The following KCNIP3 variants were observed in gnomAD, a reference collection of about 807,000 sequenced individuals.
The protein encoded by KCNIP3 is potassium voltage-gated channel interacting protein 3, also known as calsenilin.
KCNIP3 carries 28 observed loss-of-function variants against 35.0 expected under a neutral mutation model. The ratio of observed to expected loss-of-function variants is 0.80; its 90% CI spans 0.59 to 1.10. KCNIP3 has a LOEUF of 1.10. KCNIP3 is among the 50% of genes least tolerant of loss of function. KCNIP3 has a pLI of 0.00. For missense variants in KCNIP3, 295 were observed against 338.4 expected (o/e 0.87, Z 1.01); for synonymous variants, 134 against 133.8 (o/e 1.00, Z -0.01).
chr2:95,322,844 C>T (rs3772037), intron 2 of KCNIP3, among the ~76,000 whole-genome samples: 114,827 of 152,184 alleles, frequency 0.75, 43,656 homozygotes, highest in African/African-American at 0.82. Context: ...GGCAGCTCTC[C>T]CTGGCGCTTC....
At chr2:95,374,043 CA>C (rs1241016601) in intron 2 of KCNIP3, among the ~76,000 whole-genome samples, 6 of 152,228 alleles carry the variant, frequency 3.9e-5, no homozygotes, top group East Asian at 1.9e-4. Context: ...GTGCGGCTGA[CA>C]GGGGGGCACA....
At chr2:95,349,361 T>G (rs1253186542) in intron 2 of KCNIP3, among the ~76,000 whole-genome samples, 1 of 152,206 alleles carries the variant, frequency 6.6e-6, no homozygotes, top group Non-Finnish European at 1.5e-5. Flanking sequence ...TCTCTGAGCC[T>G]CCGTGGTTCT....
intron 2 of KCNIP3, among the ~76,000 whole-genome samples, chr2:95,352,193 G>T (rs779225315): frequency 6.6e-6 from 1 of 152,150 alleles, no homozygotes; most frequent in African/African-American, 2.4e-5. Flanking sequence ...AACCCGGATT[G>T]CAGTTTGCCA....
intron 2 of KCNIP3, among the ~76,000 whole-genome samples, chr2:95,316,606 G>A (rs1441982493): frequency 6.6e-6 from 1 of 152,192 alleles, no homozygotes; most frequent in Non-Finnish European, 1.5e-5. Context: ...CAACAGGAAG[G>A]AGAACCCAGG....
chr2:95,362,949 G>A (rs1222114165), intron 2 of KCNIP3, among the ~76,000 whole-genome samples: 3 of 152,150 alleles, frequency 2.0e-5, no homozygotes, highest in African/African-American at 7.2e-5. Context: ...ACGTGTTCCT[G>A]TTTATTACTG....
In KCNIP3 at chr2:95,384,205, C is replaced by CACACAG. The variant is rs3222174; in HGVS notation, c.*157_*158insCACAGA. 1.8e-5 allele frequency: 12 copies of CACACAG among 651,228 alleles called. No homozygotes were observed. Among genetic ancestry groups the CACACAG allele is most frequent in the Non-Finnish European group, 3.0e-5 (11 of 364,298 alleles). 40.3% of individuals were successfully genotyped at this position (651,228 alleles called of 1,614,324 possible). On this transcript the variant is annotated 3_prime_UTR_variant, in exon 9 of 9. Transcript: ENST00000295225. ...ACACACACACACACACACACACACA[C>CACACAG]AGCCATTCATCTGGGCTGGCAGAGG... is the stretch of plus-strand genomic sequence containing the variant.
chr2:95,354,510 G>A (rs1166001362), intron 2 of KCNIP3, among the ~76,000 whole-genome samples: 2 of 152,196 alleles, frequency 1.3e-5, no homozygotes, highest in Non-Finnish European at 2.9e-5. Flanking sequence ...TCTGGGGACA[G>A]CAGAGGTGTG....
At chr2:95,358,927 G>C (rs1679723007) in intron 2 of KCNIP3, among the ~76,000 whole-genome samples, 1 of 152,292 alleles carries the variant, frequency 6.6e-6, no homozygotes, top group Admixed American at 6.5e-5. Context: ...GAGATCAGGA[G>C]TTGGACACCT....
chr2:95,314,339 G>C (rs1053742321), intron 2 of KCNIP3, among the ~76,000 whole-genome samples: 1 of 152,212 alleles, frequency 6.6e-6, no homozygotes. Context: ...GGATTTCTGA[G>C]AATTAACCCC....
intron 2 of KCNIP3, among the ~76,000 whole-genome samples, chr2:95,320,124 T>A (rs368964213): frequency 6.6e-6 from 1 of 152,044 alleles, no homozygotes; most frequent in Non-Finnish European, 1.5e-5. Context: ...GCTGGCTGGG[T>A]GTGGACCCGG....
At chr2:95,322,777 C>T (rs1255452660) in intron 2 of KCNIP3, among the ~76,000 whole-genome samples, 4 of 152,222 alleles carry the variant, frequency 2.6e-5, no homozygotes, top group Non-Finnish European at 4.4e-5. Flanking sequence ...GGTGTGCTTG[C>T]GGCTCCTGTT....
intron 2 of KCNIP3, chr2:95,347,274 C>G (rs1433240706): frequency 1.1e-5 from 7 of 661,640 alleles, no homozygotes; most frequent in African/African-American, 7.3e-5. Flanking sequence ...GGGCCTGGGA[C>G]TAAGGAGACG....
intron 2 of KCNIP3, among the ~76,000 whole-genome samples, chr2:95,328,132 C>G (rs1420134778): frequency 6.6e-6 from 1 of 152,222 alleles, no homozygotes. Context: ...CCATGAGGAT[C>G]TCACACACGC....
At chr2:95,300,234 G>A (rs913482157) in intron 1 of KCNIP3, among the ~76,000 whole-genome samples, 19 of 152,230 alleles carry the variant, frequency 1.2e-4, no homozygotes, top group African/African-American at 2.7e-4. Context: ...CATCCCCTGC[G>A]TTAGCCACGT....
chr2:95,353,501 C>G (rs1679578741), intron 2 of KCNIP3, among the ~76,000 whole-genome samples: 2 of 152,226 alleles, frequency 1.3e-5, no homozygotes, highest in Admixed American at 1.3e-4. Context: ...GGTTTGGCCA[C>G]CTGCTTACCA....
intron 1 of KCNIP3, among the ~76,000 whole-genome samples, chr2:95,307,425 G>T (rs1373467991): frequency 6.6e-6 from 1 of 152,246 alleles, no homozygotes; most frequent in Non-Finnish European, 1.5e-5. Context: ...AAGACTATAT[G>T]TGTAGTGTGG....
intron 1 of KCNIP3, among the ~76,000 whole-genome samples, chr2:95,301,895 T>C (rs144539253): frequency 1.1e-4 from 17 of 152,168 alleles, no homozygotes; most frequent in African/African-American, 3.9e-4. Context: ...TAGGTGTGTT[T>C]GCAGGCATGT....
rs2104314525 is a variant in KCNIP3, at chr2:95,385,975, C to G, written c.*1926C>G. 1 of 152,504 alleles carries G rather than the reference C, an allele frequency of 6.6e-6. No homozygotes were observed. The highest frequency in any genetic ancestry group is 1.5e-5 in the Non-Finnish European group (1 of 68,080). 9.4% of individuals were successfully genotyped at this position (152,504 alleles called of 1,614,324 possible). ...ACAGACCGGCCGCATGTCTGCATGG[C>G]AGAAGCGTCTCCCTTGGCCACGGCC... On this transcript the variant is annotated 3_prime_UTR_variant, in exon 9 of 9. Coordinates refer to ENST00000295225, the MANE Select transcript of KCNIP3 (RefSeq NM_013434.5).
intron 3 of KCNIP3, 105 bp downstream of exon 3, chr2:95,374,525 C>A: frequency 1.4e-6 from 2 of 1,390,606 alleles, no homozygotes; most frequent in Non-Finnish European, 9.7e-7. Context: ...CTTTAAGGGG[C>A]TTATGTGTTG....
Sources: allele counts gnomAD v4.1 joint callset (sites outside exome capture counted in the v4.1 genomes callset), GRCh38; gene constraint gnomAD v4.1.1; transcripts MANE v1.5; gene names NCBI Gene and HGNC (gene_info 2026-07-23, HGNC 2026-07-21).